The following RP1 variants were observed in gnomAD, a reference collection of about 807,000 sequenced individuals.
RP1 encodes the protein oxygen-regulated protein 1.
RP1 carries 16 observed loss-of-function variants against 14.8 expected under a neutral mutation model. That is an observed-to-expected ratio of 1.08 (90% confidence interval 0.73 to 1.65). The LOEUF is 1.65. RP1 is among the 40% of genes most tolerant of loss of function. The pLI, the probability that RP1 is intolerant of heterozygous loss-of-function variation, is 0.00. For missense variants in RP1, 2,631 were observed against 2,535.0 expected (o/e 1.04, Z -0.81); for synonymous variants, 876 against 883.6 (o/e 0.99, Z 0.15).
intron 22 of RP1, among the ~76,000 whole-genome samples, chr8:54,764,937 C>G (rs1378652345): frequency 6.6e-6 from 1 of 151,308 alleles, no homozygotes; most frequent in Non-Finnish European, 1.5e-5. Flanking sequence ...ACGTGTCCTA[C>G]TGGTATAGAT....
At chr8:54,599,814 A>T (rs1248781946) in intron 1 of RP1, among the ~76,000 whole-genome samples, 1 of 152,132 alleles carries the variant, frequency 6.6e-6, no homozygotes, top group East Asian at 1.9e-4. Context: ...AGTGCTTTTT[A>T]AAGGTTGCAT....
At chr8:54,732,400 C>T (rs1456871525) in intron 17 of RP1, among the ~76,000 whole-genome samples, 3 of 152,172 alleles carry the variant, frequency 2.0e-5, no homozygotes, top group Admixed American at 1.3e-4. Flanking sequence ...GTTTTCACCA[C>T]TGGATAGCAT....
intron 6 of RP1, among the ~76,000 whole-genome samples, chr8:54,657,546 C>G (rs563936542): frequency 6.6e-6 from 1 of 152,176 alleles, no homozygotes; most frequent in Admixed American, 6.5e-5. Context: ...ATATTTTTAT[C>G]TAATATTCTA....
At chr8:54,812,669 A>G (rs1394235613) in intron 24 of RP1, among the ~76,000 whole-genome samples, 1 of 152,138 alleles carries the variant, frequency 6.6e-6, no homozygotes, top group Non-Finnish European at 1.5e-5. Flanking sequence ...CTAAAATTCT[A>G]CTGGTTCTCA....
At chr8:54,832,748 T>A (rs12682165) in intron 24 of RP1, among the ~76,000 whole-genome samples, 44,956 of 151,536 alleles carry the variant, frequency 0.3, 6,877 homozygotes, top group South Asian at 0.37. Context: ...TGTTGAGTGC[T>A]GTTAATTTGT....
downstream of RP1, among the ~76,000 whole-genome samples, chr8:54,772,465 T>C (rs1163649328): frequency 6.6e-6 from 1 of 152,212 alleles, no homozygotes; most frequent in Non-Finnish European, 1.5e-5. Flanking sequence ...CCTTTTATTA[T>C]CCTCATATGT....
rs748612415 is a variant in RP1 at position 54,629,388 on chromosome 8, G to C, written c.5506G>C (p.Asp1836His). The change falls in exon 4 of 4, where the codon GAT (aspartate) becomes CAT (histidine). Residue 1836 changes from aspartate (D) to histidine (H), a missense_variant. Transcript: ENST00000220676. ...AGAACCTTTTCATGAGGACTTGCTG[G>C]ATGTTCGCAATGAAACCTGTGCCAA... ...DSEPFHEDLL[D>H]VRNETCAKER... is the part of the protein sequence containing the mutation. The C allele has an allele frequency of 1.4e-5, 22 of 1,613,984 alleles. No homozygotes were observed. Among genetic ancestry groups the C allele is most frequent in the Non-Finnish European group, 1.7e-5 (20 of 1,179,994 alleles).
intron 13 of RP1, chr8:54,699,638 T>TA (rs1388560844): frequency 2.8e-6 from 2 of 719,312 alleles, no homozygotes; most frequent in Admixed American, 8.0e-5. Flanking sequence ...TTGTATAAGA[T>TA]ACATTTATAA....
At chr8:54,578,759 T>G (rs914188768) in intron 1 of RP1, among the ~76,000 whole-genome samples, 6 of 152,214 alleles carry the variant, frequency 3.9e-5, no homozygotes, top group African/African-American at 1.4e-4. Flanking sequence ...ACATTTATTA[T>G]GCACTACACA....
At chr8:54,789,249 G>A (rs981643846) in intron 24 of RP1, among the ~76,000 whole-genome samples, 7 of 152,298 alleles carry the variant, frequency 4.6e-5, no homozygotes, top group African/African-American at 1.7e-4. Flanking sequence ...CCTAACCATG[G>A]AGCAAAACTA....
At chr8:54,600,621 G>A (rs763038426) in intron 1 of RP1, among the ~76,000 whole-genome samples, 1 of 152,078 alleles carries the variant, frequency 6.6e-6, no homozygotes, top group African/African-American at 2.4e-5. Flanking sequence ...GTAGGGAAGA[G>A]AGGGATGCCT....
intron 1 of RP1, among the ~76,000 whole-genome samples, chr8:54,568,102 G>C (rs1003918826): frequency 6.6e-6 from 1 of 152,138 alleles, no homozygotes; most frequent in Non-Finnish European, 1.5e-5. Context: ...AAGGCTGCTA[G>C]AGCTCCAGCT....
At chr8:54,762,508 G>T (rs1319618539) in intron 22 of RP1, among the ~76,000 whole-genome samples, 1 of 152,130 alleles carries the variant, frequency 6.6e-6, no homozygotes, top group African/African-American at 2.4e-5. Context: ...ATAGATAGGG[G>T]TATACATCAC....
chr8:54,596,193 T>A (rs1194390620), intron 1 of RP1, among the ~76,000 whole-genome samples: 1 of 152,222 alleles, frequency 6.6e-6, no homozygotes, highest in Admixed American at 6.5e-5. Flanking sequence ...TGAATTTTAA[T>A]TCAGAGTACA....
rs190823408 is a variant in RP1, at chr8:54,629,195, A to T, written c.5313A>T (p.Ser1771=). The T allele has an allele frequency of 5.6e-6, 9 of 1,614,160 alleles. No homozygotes were observed. In the Admixed American group the frequency reaches 1.3e-4, roughly 24 times the overall value. The change falls in exon 4 of 4, where the codon TCA becomes TCT. Residue 1771 remains serine, a synonymous_variant. Transcript: ENST00000220676. ...PGMCGNADTT[S]VDTLLDNNSS... Reference sequence around the variant, plus strand: ...TGTGTGGCAATGCAGACACCACATCAGTGGACACCCTACTTGATAATAACA... The same window carrying T: ...TGTGTGGCAATGCAGACACCACATCTGTGGACACCCTACTTGATAATAACA...
At chr8:54,765,835 C>G (rs963134457) in intron 22 of RP1, among the ~76,000 whole-genome samples, 8 of 152,272 alleles carry the variant, frequency 5.3e-5, no homozygotes, top group African/African-American at 1.9e-4. Flanking sequence ...GACCTTTATG[C>G]AATTCTTGCC....
At chr8:54,790,775 G>A (rs1585695097) in intron 24 of RP1, among the ~76,000 whole-genome samples, 1 of 152,132 alleles carries the variant, frequency 6.6e-6, no homozygotes, top group Non-Finnish European at 1.5e-5. Flanking sequence ...TTGAAGACAG[G>A]TCATTTGAAA....
At chr8:54,590,302 C>T (rs1199416915) in intron 1 of RP1, among the ~76,000 whole-genome samples, 1 of 152,142 alleles carries the variant, frequency 6.6e-6, no homozygotes, top group Admixed American at 6.6e-5. Context: ...CAGAAACATT[C>T]CAGCAAAGAG....
chr8:54,668,248 C>G (rs1807062350), intron 7 of RP1, among the ~76,000 whole-genome samples: 1 of 152,038 alleles, frequency 6.6e-6, no homozygotes, highest in Non-Finnish European at 1.5e-5. Context: ...AACAGAGAGC[C>G]AAATCATGAG....
Sources: allele counts gnomAD v4.1 joint callset (sites outside exome capture counted in the v4.1 genomes callset), GRCh38; gene constraint gnomAD v4.1.1; transcripts MANE v1.5; gene names NCBI Gene and HGNC (gene_info 2026-07-23, HGNC 2026-07-21).